Variants in DLG2 observed in about 807,000 individuals in gnomAD.
The protein encoded by DLG2 is discs large MAGUK scaffold protein 2.
Under a neutral mutation model 132.5 loss-of-function variants are expected in DLG2, and 45 were observed. The observed-to-expected ratio is 0.34, with a 90% CI of 0.27 to 0.44. The LOEUF is 0.44. Ranked by LOEUF, DLG2 falls within the 20% of genes least tolerant of loss-of-function variation. The probability of loss-of-function intolerance (pLI) is 1.00; values close to 1 mark genes in which losing one functional copy is unlikely to be tolerated. For missense variants in DLG2, 1,045 were observed against 1,196.9 expected (o/e 0.87, Z 1.87); for synonymous variants, 424 against 419.6 (o/e 1.01, Z -0.13).
chr11:85,020,303 T>C (rs554036424), intron 6 of DLG2, among the ~76,000 whole-genome samples: 2 of 152,324 alleles, frequency 1.3e-5, no homozygotes, highest in Non-Finnish European at 1.5e-5. Context: ...TGCCCACTTT[T>C]TGATGGGGTT....
At chr11:85,087,358 T>G (rs2068073483) in intron 6 of DLG2, among the ~76,000 whole-genome samples, 1 of 152,114 alleles carries the variant, frequency 6.6e-6, no homozygotes, top group Non-Finnish European at 1.5e-5. Flanking sequence ...GATTAACACT[T>G]AAGTTAAAAT....
intron 6 of DLG2, among the ~76,000 whole-genome samples, chr11:84,663,358 G>A (rs1049314630): frequency 4.6e-5 from 7 of 151,826 alleles, no homozygotes; most frequent in African/African-American, 1.7e-4. Flanking sequence ...CCCAAGGCTG[G>A]ATCAAAGATT....
In DLG2 at chr11:85,147,030, C is replaced by T. The variant is rs540792917; in HGVS notation, c.282+7526G>A. ...AATTGAGTTCCAATGCAATGTCTCACAATCACTTCACTCTCTCTCCTGCGA... is the reference window on the plus strand; with the variant it reads ...AATTGAGTTCCAATGCAATGTCTCATAATCACTTCACTCTCTCTCCTGCGA... On this transcript the variant is annotated intron_variant, in intron 5 of 27. Transcript: ENST00000376104. Among the ~76,000 whole-genome samples, 3 of 152,274 alleles carry T rather than the reference C, an allele frequency of 2.0e-5. No individual in the cohort carries two copies. In the South Asian group the frequency reaches 6.2e-4, roughly 32 times the overall value.
chr11:85,497,169 T>C (rs2093686701), intron 3 of DLG2, among the ~76,000 whole-genome samples: 1 of 151,942 alleles, frequency 6.6e-6, no homozygotes, highest in African/African-American at 2.4e-5. Context: ...CGCAAGGAAG[T>C]TAAATCCTTG....
At chr11:84,993,223 G>A (rs1211380059) in intron 6 of DLG2, among the ~76,000 whole-genome samples, 1 of 152,150 alleles carries the variant, frequency 6.6e-6, no homozygotes, top group Non-Finnish European at 1.5e-5. Context: ...GAGAACACAT[G>A]GAGACAGGGA....
chr11:85,495,185 C>T (rs184318075), intron 3 of DLG2, among the ~76,000 whole-genome samples: 2 of 152,226 alleles, frequency 1.3e-5, no homozygotes, highest in African/African-American at 2.4e-5. Context: ...TGACAATAAA[C>T]GTTTTGGCAA....
chr11:84,303,591 T>A (rs1250768608), intron 7 of DLG2, among the ~76,000 whole-genome samples: 1 of 152,168 alleles, frequency 6.6e-6, no homozygotes, highest in Non-Finnish European at 1.5e-5. Context: ...AGATCAAAAT[T>A]TTTGTCCGAT....
chr11:83,731,816 T>A (rs2091063601), intron 18 of DLG2, among the ~76,000 whole-genome samples: 1 of 152,214 alleles, frequency 6.6e-6, no homozygotes, highest in African/African-American at 2.4e-5. Context: ...CTTGACTTTT[T>A]GATAATCTCC....
At chr11:83,577,866 T>C (rs1274443359) in intron 19 of DLG2, among the ~76,000 whole-genome samples, 1 of 126,368 alleles carries the variant, frequency 7.9e-6, no homozygotes, top group Non-Finnish European at 1.6e-5. Flanking sequence ...AATTATATTA[T>C]AAATATATAT....
At chr11:83,703,154 C>A (rs546787666) in intron 18 of DLG2, among the ~76,000 whole-genome samples, 1 of 152,148 alleles carries the variant, frequency 6.6e-6, no homozygotes, top group East Asian at 1.9e-4. Flanking sequence ...CTGTAGCTCA[C>A]AAATATGTTT....
At chr11:83,990,676 T>C (rs1338402339) in intron 11 of DLG2, among the ~76,000 whole-genome samples, 1 of 152,170 alleles carries the variant, frequency 6.6e-6, no homozygotes, top group East Asian at 1.9e-4. Context: ...AGCCCCATGA[T>C]GTCTTATAAT....
intron 22 of DLG2, among the ~76,000 whole-genome samples, chr11:83,479,088 A>G (rs1462409253): frequency 6.6e-6 from 1 of 152,070 alleles, no homozygotes; most frequent in Non-Finnish European, 1.5e-5. Context: ...CTATCAATCA[A>G]TCAATAAAAC....
chr11:85,602,309 T>A (rs1213280707), intron 2 of DLG2, among the ~76,000 whole-genome samples: 1 of 152,204 alleles, frequency 6.6e-6, no homozygotes, highest in South Asian at 2.1e-4. Flanking sequence ...GCACAACCCA[T>A]CATCATCTAT....
intron 7 of DLG2, among the ~76,000 whole-genome samples, chr11:84,364,833 A>C (rs1164873985): frequency 6.6e-6 from 1 of 152,192 alleles, no homozygotes; most frequent in South Asian, 2.1e-4. Flanking sequence ...GTGTATATTG[A>C]AGGAGCCTTG....
intron 21 of DLG2, chr11:83,486,259 T>TAAAAG: frequency 1.5e-6 from 1 of 668,942 alleles, no homozygotes; most frequent in East Asian, 2.8e-5. Context: ...TAACTGAAAA[T>TAAAAG]AAAAGAAAAA....
intron 6 of DLG2, among the ~76,000 whole-genome samples, chr11:84,667,944 G>T (rs1407063460): frequency 6.6e-6 from 1 of 152,030 alleles, no homozygotes; most frequent in Non-Finnish European, 1.5e-5. Context: ...TTTAATAATT[G>T]AGCAACTTTT....
chr11:85,030,512 T>G (rs1055613621), intron 6 of DLG2, among the ~76,000 whole-genome samples: 2 of 152,206 alleles, frequency 1.3e-5, no homozygotes, highest in African/African-American at 4.8e-5. Flanking sequence ...AGTGATCAAA[T>G]TATGTTTTCT....
Position 84,307,695 on chromosome 11 carries a change from C to CAAAAAAAAAA in DLG2, c.520-56414_520-56405dup, listed in dbSNP as rs1222486667. ...TGGGTGAAAGAGCGAGACGCAGTCT[C>CAAAAAAAAAA]AAAAAAAAAAAAAAAAAAAAAGAAG... On this transcript the variant is annotated intron_variant, in intron 7 of 27. Coordinates refer to ENST00000376104, the MANE Select transcript of DLG2 (RefSeq NM_001142699.3). 1.1e-3 allele frequency among the ~76,000 whole-genome samples: 85 copies of CAAAAAAAAAA among 77,956 alleles called. 2 individuals are homozygous for CAAAAAAAAAA. The highest frequency in any genetic ancestry group is 3.6e-3 in the African/African-American group (67 of 18,484). 51.1% of individuals were successfully genotyped at this position (77,956 alleles called of 152,430 possible). A position where few individuals can be genotyped will look rare whatever the true frequency, so the allele number is the denominator to read the frequency against.
At chr11:84,917,443 T>C (rs1376864251) in intron 6 of DLG2, among the ~76,000 whole-genome samples, 2 of 152,228 alleles carry the variant, frequency 1.3e-5, no homozygotes, top group Non-Finnish European at 2.9e-5. Context: ...TAAAAAGGTT[T>C]CCAGTGGAAC....
Sources: allele counts gnomAD v4.1 joint callset (sites outside exome capture counted in the v4.1 genomes callset), GRCh38; gene constraint gnomAD v4.1.1; transcripts MANE v1.5; gene names NCBI Gene and HGNC (gene_info 2026-07-23, HGNC 2026-07-21).